The following ZNF35 variants were observed in gnomAD, a reference collection of about 807,000 sequenced individuals.
The protein encoded by ZNF35 is zinc finger protein 35 (clone HF.10).
In ZNF35, 31 loss-of-function variants were observed where a neutral mutation model predicts 45.9. The ratio of observed to expected loss-of-function variants is 0.68; its 90% CI spans 0.51 to 0.91. The LOEUF (loss-of-function observed/expected upper bound fraction) is 0.91, where lower values mean the gene tolerates loss of function less well. ZNF35 is among the 40% of genes least tolerant of loss of function. The pLI, the probability that ZNF35 is intolerant of heterozygous loss-of-function variation, is 0.00. For missense variants in ZNF35, 515 were observed against 625.4 expected (o/e 0.82, Z 1.88); for synonymous variants, 205 against 220.2 (o/e 0.93, Z 0.61).
At chr3:44,646,638 C>T, upstream of ZNF35, 1 of 717,814 alleles carries the variant, frequency 1.4e-6, no homozygotes, top group Non-Finnish European at 2.5e-6. Flanking sequence ...GAAAATTGTT[C>T]AAGCTGTCTT....
chr3:44,651,048 T>G lies in ZNF35; in HGVS notation c.-20T>G. ...CAGGGCAGCGCCCAGCTATAGGAGT[T>G]CCCCTGCTGAGCAGAGAAGATGACT... On this transcript the variant is annotated 5_prime_UTR_variant, in exon 2 of 4. Coordinates refer to ENST00000396056, the MANE Select transcript of ZNF35 (RefSeq NM_003420.4). 9 of 1,609,262 alleles carry G rather than the reference T, an allele frequency of 5.6e-6. No individual in the cohort carries two copies. Among genetic ancestry groups the G allele is most frequent in the Non-Finnish European group, 7.6e-6 (9 of 1,178,732 alleles).
intron 2 of ZNF35, 148 bp downstream of exon 2, chr3:44,651,407 C>A: frequency 1.3e-6 from 1 of 778,896 alleles, no homozygotes; most frequent in Non-Finnish European, 2.0e-6. Flanking sequence ...AGGATAGAAA[C>A]ATTCCCTTCT....
Position 44,659,728 on chromosome 3 carries a change from C to T in ZNF35, c.1365C>T (p.Phe455=), listed in dbSNP as rs767448756. The T allele has an allele frequency of 1.2e-6, 2 of 1,614,010 alleles. No individual in the cohort carries two copies. The highest frequency in any genetic ancestry group is 2.7e-5 in the African/African-American group (2 of 74,892). Residue 455 remains phenylalanine (F), a synonymous_variant, in exon 4 of 4, where the codon TTC becomes TTT. Transcript: ENST00000396056. The surrounding 1 kb of genome is among the most constrained non-coding windows in gnomAD (Gnocchi z 4.3). ...PYVCNECGKA[F]TCSSYLLIHQ... is the part of the protein sequence containing the mutation. ...TGTGTAATGAATGTGGGAAGGCCTT[C>T]ACATGTAGCTCATACCTACTTATTC...
chr3:44,651,000 G>A lies in ZNF35; in HGVS notation c.-68G>A, dbSNP rs1053217255. The stretch of plus-strand genomic sequence containing the variant: ...CAAGAAGAAGCTTTTGAAACATAAA[G>A]CTTGGATGGGGTTTGACCTCTGCAG... On this transcript the variant is annotated 5_prime_UTR_variant, in exon 2 of 4. Transcript: ENST00000396056. 9 of 1,481,634 alleles carry A rather than the reference G, an allele frequency of 6.1e-6. No homozygotes were observed. In the African/African-American group the frequency reaches 1.1e-4, roughly 19 times the overall value. The allele number at this position is 1,481,634 out of a possible 1,614,324, so 91.8% of individuals were successfully genotyped here.
chr3:44,650,778 G>T (rs1434855269), intron 1 of ZNF35, among the ~76,000 whole-genome samples, 163 bp from the exon 2 acceptor site: 19 of 152,156 alleles, frequency 1.2e-4, no homozygotes, highest in Admixed American at 1.2e-3. Context: ...CATATTTATA[G>T]TCCAACCCCT....
chr3:44,648,063 A>G (rs996567988), upstream of ZNF35: 2 of 152,222 alleles, frequency 1.3e-5, no homozygotes, highest in African/African-American at 4.8e-5. Flanking sequence ...GTAAAAACCA[A>G]CAATGGCAAC....
Position 44,660,566 on chromosome 3 carries a change from G to T in ZNF35, c.*619G>T, listed in dbSNP as rs1703381420. 1 of 152,194 alleles carries T rather than the reference G, an allele frequency of 6.6e-6. No individual in the cohort carries two copies. Among genetic ancestry groups the T allele is most frequent in the African/African-American group, 2.4e-5 (1 of 41,410 alleles). The allele number at this position is 152,194 out of a possible 1,614,324, so 9.4% of individuals were successfully genotyped here. ...TGAACCTTGGTATTGTAAAGATCTG[G>T]GGACCTCTGGGTCTGTTCTGACCAT... On this transcript the variant is annotated 3_prime_UTR_variant, in exon 4 of 4. Transcript: ENST00000396056.
At chr3:44,650,332 A>C (rs573278573) in intron 1 of ZNF35, among the ~76,000 whole-genome samples, 1 of 152,328 alleles carries the variant, frequency 6.6e-6, no homozygotes, top group South Asian at 2.1e-4. Flanking sequence ...GAACCTTAAA[A>C]CTACCTGTAA....
upstream of ZNF35, chr3:44,646,557 C>T (rs75732261): frequency 1.0e-3 from 1,197 of 1,159,462 alleles, 7 homozygotes; most frequent in African/African-American, 0.015. Context: ...ACATCCAGAA[C>T]GTGGAATATT....
chr3:44,650,920 C>T, intron 1 of ZNF35, 21 bp from the exon 2 acceptor site: 1 of 774,446 alleles, frequency 1.3e-6, no homozygotes, highest in Admixed American at 3.2e-5. Context: ...TTGGTGCTAA[C>T]AGTGTTTTCT....
At chr3:44,648,194 T>A (rs1488925384), upstream of ZNF35, 2 of 152,198 alleles carry the variant, frequency 1.3e-5, no homozygotes, top group Non-Finnish European at 2.9e-5. Context: ...TATTAGATGG[T>A]ATTAGGGAAT....
intron 3 of ZNF35, among the ~76,000 whole-genome samples, chr3:44,654,859 C>T (rs1392946201): frequency 2.0e-5 from 3 of 152,100 alleles, no homozygotes; most frequent in Non-Finnish European, 2.9e-5. Context: ...TTTGGCCGGG[C>T]GCAGTGGCTC....
At chr3:44,656,639 CG>C (rs1178740988) in intron 3 of ZNF35, among the ~76,000 whole-genome samples, 1 of 143,114 alleles carries the variant, frequency 7.0e-6, no homozygotes, top group African/African-American at 2.6e-5. Flanking sequence ...GTGATCCACC[CG>C]TTTCAGCCTC....
At chr3:44,651,832 C>CAAA (rs561807961) in intron 2 of ZNF35, among the ~76,000 whole-genome samples, 207 of 97,304 alleles carry the variant, frequency 2.1e-3, no homozygotes, top group African/African-American at 7.2e-3. Context: ...GACCCTGCCT[C>CAAA]AAAAAAAAAA....
intron 3 of ZNF35, among the ~76,000 whole-genome samples, chr3:44,653,598 A>G (rs992777849): frequency 4.6e-5 from 7 of 152,172 alleles, no homozygotes; most frequent in Admixed American, 3.3e-4. Context: ...GTTTTCATAG[A>G]TCTTTGTGCA....
upstream of ZNF35, chr3:44,646,700 A>G: frequency 1.8e-6 from 1 of 557,504 alleles, no homozygotes; most frequent in Non-Finnish European, 3.2e-6. Context: ...TATGTATGAA[A>G]ATTTCGATAT....
intron 3 of ZNF35, among the ~76,000 whole-genome samples, chr3:44,653,182 C>T (rs1255879364): frequency 2.0e-5 from 3 of 152,126 alleles, no homozygotes; most frequent in South Asian, 2.1e-4. Flanking sequence ...CACCTGGCAG[C>T]CTTAATTTAA....
intron 3 of ZNF35, among the ~76,000 whole-genome samples, chr3:44,653,136 C>G (rs1370865768): frequency 6.6e-6 from 1 of 152,154 alleles, no homozygotes; most frequent in African/African-American, 2.4e-5. Context: ...CGGTTTATGT[C>G]GCATTTTCAC....
At position 44,658,736 on chromosome 3, in the gene ZNF35, A is replaced by T; in HGVS notation, c.373A>T (p.Lys125Ter). 6.3e-7 allele frequency: 1 copy of T among 1,581,470 alleles called. No individual in the cohort carries two copies. The highest frequency in any genetic ancestry group is 8.5e-7 in the Non-Finnish European group (1 of 1,171,632). The change falls in exon 4 of 4, where the codon AAA (lysine) becomes TAA (stop). Residue 125 changes from lysine (K) to a stop codon, truncating the protein, a stop_gained. Transcript: ENST00000396056. LOFTEE classifies it high-confidence loss of function. ...CAAGAACCTACAGTTACTGGTTCCAAAAACTGAGATATGTGAGGAAGCTGA... is the reference window on the plus strand; with the variant it reads ...CAAGAACCTACAGTTACTGGTTCCATAAACTGAGATATGTGAGGAAGCTGA... ...ETKNLQLLVPKTEICEEAEKP... is the reference protein window; with the variant it reads ...ETKNLQLLVP
Sources: gnomAD v4.1 joint callset for allele counts (sites outside exome capture counted in the v4.1 genomes callset) on GRCh38, gnomAD v4.1.1 for gene constraint, Gnocchi (gnomAD v3.1) non-coding constraint, MANE v1.5 for transcripts, NCBI Gene and HGNC (gene_info 2026-07-23, HGNC 2026-07-21) for gene names.